ACTN1: variants seen among roughly 807,000 people sequenced by gnomAD.
ACTN1 encodes the protein alpha-actinin-1.
In ACTN1, 30 loss-of-function variants were observed where a neutral mutation model predicts 119.6. The ratio of observed to expected loss-of-function variants is 0.25; its 90% CI spans 0.19 to 0.34. The LOEUF is 0.34. ACTN1 is among the 10% of genes least tolerant of loss of function. The pLI is 1.00. For synonymous variants in ACTN1, 429 were observed against 472.6 expected (o/e 0.91, Z 1.20); for missense variants, 764 against 1,223.4 (o/e 0.62, Z 5.60).
In ACTN1 at chr14:68,880,246, A is replaced by G. The variant is rs2031369120; in HGVS notation, c.2134-138T>C. On this transcript the variant is annotated intron_variant, in intron 17 of 21. Coordinates refer to ENST00000394419, the MANE Select transcript of ACTN1 (RefSeq NM_001130004.2). This position sits in a 1 kb window ranked among gnomAD's most constrained non-coding sequence, Gnocchi z 4.6. ...CTTCTGTGTGGCTGAGTGTCACCAG[A>G]GGAAGGGGAACCAGGACAAGGACAA... 9.4e-7 allele frequency: 1 copy of G among 1,061,220 alleles called. No individual in the cohort carries two copies. Among genetic ancestry groups the G allele is most frequent in the East Asian group, 2.6e-5 (1 of 38,408 alleles). The allele number at this position is 1,061,220 out of a possible 1,614,324, so 65.7% of individuals were successfully genotyped here.
At chr14:68,929,246 G>A (rs984820954) in intron 1 of ACTN1, among the ~76,000 whole-genome samples, 1 of 152,134 alleles carries the variant, frequency 6.6e-6, no homozygotes, top group Non-Finnish European at 1.5e-5. Context: ...CCTTGGTCTT[G>A]AGGCTCAAGC....
intron 21 of ACTN1, 66 bp from the exon 22 acceptor site, chr14:68,875,083 C>G (rs1180593899): frequency 6.3e-7 from 1 of 1,597,594 alleles, no homozygotes; most frequent in Admixed American, 1.7e-5. Flanking sequence ...CGGCCCGACA[C>G]AGCCGCAAAG....
intron 9 of ACTN1, 36 bp from the exon 10 acceptor site, chr14:68,892,319 A>C (rs1259088994): frequency 1.3e-6 from 2 of 1,579,686 alleles, no homozygotes; most frequent in Non-Finnish European, 1.7e-6. Flanking sequence ...GGAGGTGAGG[A>C]GGCGGGGAGG....
intron 8 of ACTN1, among the ~76,000 whole-genome samples, chr14:68,898,960 C>T (rs1053852666): frequency 6.7e-6 from 1 of 148,658 alleles, no homozygotes; most frequent in Admixed American, 6.7e-5. Context: ...CTTCACTCCA[C>T]ACACACACAC....
chr14:68,939,187 G>C (rs1171206334), intron 1 of ACTN1, among the ~76,000 whole-genome samples: 4 of 152,192 alleles, frequency 2.6e-5, no homozygotes. Context: ...GGAGAAATCA[G>C]AGCCACTTTA....
intron 1 of ACTN1, chr14:68,936,997 A>G (rs2300878): frequency 0.56 from 185,761 of 332,172 alleles, 55,204 homozygotes; most frequent in East Asian, 0.79. Flanking sequence ...GGGTCTTTTG[A>G]GAGTTTTCTC....
chr14:68,882,736 T>G lies in ACTN1; in HGVS notation c.1818+137A>C. ...GTGTCAACCTGTTCTGGAAACCCAGTCATTTGACATTTGGACAAACAATGA... is the reference window on the plus strand; with the variant it reads ...GTGTCAACCTGTTCTGGAAACCCAGGCATTTGACATTTGGACAAACAATGA... On this transcript the variant is annotated intron_variant, in intron 15 of 21. Transcript: ENST00000394419. The surrounding 1 kb of genome is among the most constrained non-coding windows in gnomAD (Gnocchi z 4.5). The G allele has an allele frequency of 2.0e-6, 3 of 1,503,408 alleles. No homozygotes were observed. Among genetic ancestry groups the G allele is most frequent in the Non-Finnish European group, 2.7e-6 (3 of 1,106,452 alleles). The allele number at this position is 1,503,408 out of a possible 1,614,324, so 93.1% of individuals were successfully genotyped here.
chr14:68,906,837 G>A (rs1216544627), intron 6 of ACTN1, among the ~76,000 whole-genome samples: 2 of 152,144 alleles, frequency 1.3e-5, no homozygotes, highest in Non-Finnish European at 2.9e-5. Context: ...ATTAAAAGGA[G>A]TGGAAGCCAG....
At chr14:68,905,465 T>C (rs1163479493) in intron 6 of ACTN1, among the ~76,000 whole-genome samples, 1 of 152,178 alleles carries the variant, frequency 6.6e-6, no homozygotes, top group Non-Finnish European at 1.5e-5. Context: ...CTCAAAAGAA[T>C]TGAAAGCAGG....
In ACTN1 at chr14:68,877,196, G is replaced by A. The variant is rs2031000991; in HGVS notation, c.2472C>T (p.Asn824=). 6.2e-7 allele frequency: 1 copy of A among 1,614,090 alleles called. No individual in the cohort carries two copies. Among genetic ancestry groups the A allele is most frequent in the African/African-American group, 1.3e-5 (1 of 74,944 alleles). ...CCTGGAATGTCACTACCCCCAGGCG[G>A]TTGGGGTCCACAATGCTCATGATGC... ...FARIMSIVDP[N]RLGVVTFQAF... The change falls in exon 21 of 22, where the codon AAC becomes AAT. Residue 824 remains asparagine (N), a synonymous_variant. Coordinates refer to ENST00000394419, the MANE Select transcript of ACTN1 (RefSeq NM_001130004.2).
In ACTN1 at chr14:68,878,394, T is replaced by C. The variant is rs1233863465; in HGVS notation, c.2427+64A>G. The C allele has an allele frequency of 1.9e-5, 29 of 1,513,702 alleles. No homozygotes were observed. In the Admixed American group the frequency reaches 5.9e-4, roughly 31 times the overall value. 93.8% of individuals were successfully genotyped at this position (1,513,702 alleles called of 1,614,324 possible). On this transcript the variant is annotated intron_variant, in intron 20 of 21. Transcript: ENST00000394419. This position sits in a 1 kb window ranked among gnomAD's most constrained non-coding sequence, Gnocchi z 4.4. ...GCCTCCAGCCTGCCACTCCTGGGAC[T>C]TGGCTGCTCCCGCCAGCTGGCTGCC...
At chr14:68,922,654 G>C (rs1566640778) in intron 2 of ACTN1, among the ~76,000 whole-genome samples, 1 of 152,140 alleles carries the variant, frequency 6.6e-6, no homozygotes. Context: ...GAGGAGGCAA[G>C]GGTTAAACAC....
At chr14:68,894,508 T>C (rs112140480) in intron 8 of ACTN1, among the ~76,000 whole-genome samples, 6 of 152,072 alleles carry the variant, frequency 3.9e-5, no homozygotes, top group Non-Finnish European at 4.4e-5. Flanking sequence ...GAAACCTTAG[T>C]GGGAGAGCGC....
intron 1 of ACTN1, among the ~76,000 whole-genome samples, chr14:68,932,294 C>A (rs750631458): frequency 1.3e-5 from 2 of 151,570 alleles, no homozygotes; most frequent in African/African-American, 2.4e-5. Flanking sequence ...GCCTCCATCT[C>A]TCTCCCGTGC....
Position 68,979,190 on chromosome 14 carries a change from C to A in ACTN1, c.-134G>T, listed in dbSNP as rs1176628538. On this transcript the variant is annotated 5_prime_UTR_variant, in exon 1 of 22. Coordinates refer to ENST00000394419, the MANE Select transcript of ACTN1 (RefSeq NM_001130004.2). ...GGGGCCGGGCTCGCTCCCCTGCGCCCGGTTCCGCCGCGGCGCTGCTGGCGA... is the reference window on the plus strand; with the variant it reads ...GGGGCCGGGCTCGCTCCCCTGCGCCAGGTTCCGCCGCGGCGCTGCTGGCGA... The A allele has an allele frequency of 1.7e-5, 8 of 463,194 alleles. No homozygotes were observed. Among genetic ancestry groups the A allele is most frequent in the South Asian group, 6.0e-5 (2 of 33,356 alleles). The allele number at this position is 463,194 out of a possible 1,614,324, so 28.7% of individuals were successfully genotyped here. A position where few individuals can be genotyped will look rare whatever the true frequency, so the allele number is the denominator to read the frequency against.
At chr14:68,913,130 A>G (rs745422048) in intron 3 of ACTN1, among the ~76,000 whole-genome samples, 2 of 152,264 alleles carry the variant, frequency 1.3e-5, no homozygotes, top group Non-Finnish European at 2.9e-5. Context: ...TAGTCTAAGC[A>G]GCACCTTTTA....
intron 3 of ACTN1, among the ~76,000 whole-genome samples, chr14:68,914,337 ACTCT>A (rs2034172538): frequency 6.6e-6 from 1 of 152,208 alleles, no homozygotes; most frequent in Admixed American, 6.5e-5. Context: ...AAAATACTAA[ACTCT>A]CAATAAATAG....
At chr14:68,934,708 G>C (rs2035402073) in intron 1 of ACTN1, among the ~76,000 whole-genome samples, 1 of 152,156 alleles carries the variant, frequency 6.6e-6, no homozygotes, top group African/African-American at 2.4e-5. Flanking sequence ...GACAGAAATT[G>C]TATTAATAAG....
chr14:68,903,062 A>G (rs2033441553), intron 7 of ACTN1, among the ~76,000 whole-genome samples: 1 of 152,238 alleles, frequency 6.6e-6, no homozygotes, highest in African/African-American at 2.4e-5. Context: ...TCTATTTTTA[A>G]GGATGTATTC....
Sources: gnomAD v4.1 joint callset for allele counts (sites outside exome capture counted in the v4.1 genomes callset) on GRCh38, gnomAD v4.1.1 for gene constraint, Gnocchi (gnomAD v3.1) non-coding constraint, MANE v1.5 for transcripts, NCBI Gene and HGNC (gene_info 2026-07-23, HGNC 2026-07-21) for gene names.